Variants in PPP1R11 observed in about 807,000 individuals in gnomAD.
PPP1R11 encodes the protein protein phosphatase 1 regulatory inhibitor subunit 11, also known as E3 ubiquitin-protein ligase PPP1R11.
A neutral mutation model predicts 11.3 loss-of-function variants in PPP1R11; 10 were observed. The ratio of observed to expected loss-of-function variants is 0.88; its 90% CI spans 0.55 to 1.50. PPP1R11 has a LOEUF of 1.50. Among genes scored for constraint, PPP1R11 ranks in the 40% most tolerant of loss-of-function variants. The pLI is 0.00. For synonymous variants in PPP1R11, 56 were observed against 62.3 expected (o/e 0.90, Z 0.48); for missense variants, 114 against 179.1 (o/e 0.64, Z 2.07).
At chr6:30,061,968 C>A, upstream of PPP1R11, 2 of 1,613,084 alleles carry the variant, frequency 1.2e-6, no homozygotes. The surrounding 1 kb of genome is among the most constrained non-coding windows in gnomAD (Gnocchi z 5.0). Flanking sequence ...CAACTGGGGA[C>A]AGCCATGCCT....
Position 30,067,419 on chromosome 6 carries a change from G to C in PPP1R11, c.9G>C (p.Glu3Asp). Residue 3 changes from glutamate to aspartate, a missense_variant, in exon 1 of 3, where the codon GAG (glutamate) becomes GAC (aspartate). Coordinates refer to ENST00000376772, the MANE Select transcript of PPP1R11 (RefSeq NM_021959.3). ...TGTCCTGAGCCTTAGCCATGGCCGA[G>C]GCAGGGGCTGGGCTGAGCGAGACCG... is the stretch of plus-strand genomic sequence containing the variant. Reference protein sequence around the residue: MAEAGAGLSETVT... With the variant: MADAGAGLSETVT... The C allele has an allele frequency of 6.2e-7, 1 of 1,614,186 alleles. No homozygotes were observed. Among genetic ancestry groups the C allele is most frequent in the Non-Finnish European group, 8.5e-7 (1 of 1,179,990 alleles).
chr6:30,065,570 G>A (rs1408153939), upstream of PPP1R11, among the ~76,000 whole-genome samples: 1 of 145,504 alleles, frequency 6.9e-6, no homozygotes, highest in Admixed American at 6.9e-5. This position sits in a 1 kb window ranked among gnomAD's most constrained non-coding sequence, Gnocchi z 5.3. Flanking sequence ...TAAGGCATCT[G>A]GTCAACAGTA....
At chr6:30,066,987 G>A (rs1025164765), upstream of PPP1R11, 1 of 175,818 alleles carries the variant, frequency 5.7e-6, no homozygotes. Context: ...CCATCTGGGC[G>A]CCCCTCCTGC....
upstream of PPP1R11, chr6:30,062,186 T>G (rs755683238): frequency 2.2e-5 from 34 of 1,541,910 alleles, no homozygotes; most frequent in Non-Finnish European, 3.0e-5. Context: ...AGTAAGGGGA[T>G]ATGACCAGGC....
At chr6:30,066,101 C>T (rs1765501389), upstream of PPP1R11, among the ~76,000 whole-genome samples, 1 of 152,196 alleles carries the variant, frequency 6.6e-6, no homozygotes, top group Non-Finnish European at 1.5e-5. Flanking sequence ...AGTTGACTTT[C>T]CTGACCCACT....
chr6:30,069,284 C>T lies in PPP1R11; in HGVS notation c.359C>T (p.Pro120Leu), dbSNP rs1487023997. The change falls in exon 3 of 3, where the codon CCT becomes CTT. Residue 120 changes from proline (P) to leucine (L), a missense_variant. Pro to Leu is a moderately conservative substitution (Grantham distance 98, BLOSUM62 -3). Coordinates refer to ENST00000376772, the MANE Select transcript of PPP1R11 (RefSeq NM_021959.3). The surrounding 1 kb of genome is among the most constrained non-coding windows in gnomAD (Gnocchi z 6.6). The stretch of plus-strand genomic sequence containing the variant: ...CAGCCTCCTGACCCTTCCCAGCCCC[C>T]TCCAGGGCCAATGCAGCACTAAATC... ...PPQPPDPSQP[P>L]PGPMQH 10 of 1,607,130 alleles carry T rather than the reference C, an allele frequency of 6.2e-6. No individual in the cohort carries two copies. The highest frequency in any genetic ancestry group is 1.7e-5 in the Admixed American group (1 of 59,578).
upstream of PPP1R11, chr6:30,062,015 G>A (rs763726809): frequency 1.2e-6 from 2 of 1,612,862 alleles, no homozygotes; most frequent in Non-Finnish European, 1.7e-6. Context: ...CCAGGGACCT[G>A]TGGTAAGCTA....
upstream of PPP1R11, chr6:30,064,562 A>G (rs572352025): frequency 9.6e-5 from 91 of 949,240 alleles, 1 homozygote; most frequent in South Asian, 1.5e-3. Context: ...GCCAGTCCTC[A>G]ATGATGTCAT....
Position 30,067,370 on chromosome 6 carries a change from C to A in PPP1R11, c.-41C>A. On this transcript the variant is annotated 5_prime_UTR_variant, in exon 1 of 3. Transcript: ENST00000376772. ...GCGACAGAAAAAGGGAAGGGTGTCT[C>A]ATCCCCCTTCCTCCTCTCCTCCCTG... 6.4e-7 allele frequency: 1 copy of A among 1,574,448 alleles called. No homozygotes were observed. The highest frequency in any genetic ancestry group is 8.7e-7 in the Non-Finnish European group (1 of 1,144,534).
chr6:30,069,165 G>A lies in PPP1R11; in HGVS notation c.240G>A (p.Glu80=). 1.9e-6 allele frequency: 3 copies of A among 1,612,712 alleles called. No individual in the cohort carries two copies. The highest frequency in any genetic ancestry group is 2.5e-6 in the Non-Finnish European group (3 of 1,179,752). The change falls in exon 3 of 3, where the codon GAG becomes GAA. Residue 80 remains glutamate (E), a synonymous_variant. Transcript: ENST00000376772. This position sits in a 1 kb window ranked among gnomAD's most constrained non-coding sequence, Gnocchi z 6.6. ...AGAGCTCCACGGAAAGTGATGAGGA[G>A]GAAGAAGAGGGCTGTGGTCATACAC... ...FGESSTESDE[E]EEEGCGHTHC... is the part of the protein sequence containing the mutation.
At chr6:30,067,114 A>T, upstream of PPP1R11, 1 of 402,994 alleles carries the variant, frequency 2.5e-6, no homozygotes, top group African/African-American at 2.0e-5. Flanking sequence ...GCGCGCTGTC[A>T]CGTTACGGCG....
At chr6:30,064,807 A>G, upstream of PPP1R11, 1 of 904,352 alleles carries the variant, frequency 1.1e-6, no homozygotes, top group Non-Finnish European at 1.7e-6. Context: ...TGCTCCCAGA[A>G]GAGAATCAGA....
At chr6:30,065,650 ATGT>A (rs1370401989), upstream of PPP1R11, among the ~76,000 whole-genome samples, 2 of 152,114 alleles carry the variant, frequency 1.3e-5, no homozygotes, top group Non-Finnish European at 2.9e-5. This position sits in a 1 kb window ranked among gnomAD's most constrained non-coding sequence, Gnocchi z 5.3. Flanking sequence ...CCTTACCCCC[ATGT>A]TGTTCAAGGA....
At chr6:30,061,526 T>G in the PPP1R11 span, 1 of 1,613,048 alleles carries the variant, frequency 6.2e-7, no homozygotes, top group Non-Finnish European at 8.5e-7. This position sits in a 1 kb window ranked among gnomAD's most constrained non-coding sequence, Gnocchi z 5.0. Flanking sequence ...CCCGACCGCA[T>G]GTCTGTCATG....
At chr6:30,062,795 C>T (rs1486836188), upstream of PPP1R11, among the ~76,000 whole-genome samples, 1 of 126,918 alleles carries the variant, frequency 7.9e-6, no homozygotes, top group Admixed American at 9.7e-5. Flanking sequence ...TGGTCTTGAA[C>T]TTCTGAGCTC....
chr6:30,061,882 T>A (rs757221184), upstream of PPP1R11: 4 of 1,606,852 alleles, frequency 2.5e-6, no homozygotes. The surrounding 1 kb of genome is among the most constrained non-coding windows in gnomAD (Gnocchi z 5.0). Context: ...CTCTCTCTGG[T>A]TGTCTCCATA....
At chr6:30,061,624 G>GAT in the PPP1R11 span, 1 of 1,613,054 alleles carries the variant, frequency 6.2e-7, no homozygotes, top group Non-Finnish European at 8.5e-7. This position sits in a 1 kb window ranked among gnomAD's most constrained non-coding sequence, Gnocchi z 5.0. Flanking sequence ...CGGGGCTCAG[G>GAT]ATACGGTCAC....
At chr6:30,065,464 A>T (rs1414423610), upstream of PPP1R11, among the ~76,000 whole-genome samples, 2 of 152,100 alleles carry the variant, frequency 1.3e-5, no homozygotes, top group Non-Finnish European at 2.9e-5. The surrounding 1 kb of genome is among the most constrained non-coding windows in gnomAD (Gnocchi z 5.3). Context: ...TTTCTTAATA[A>T]TGTTTTCTCT....
At chr6:30,064,612 A>T (rs1765362103), upstream of PPP1R11, 1 of 1,502,156 alleles carries the variant, frequency 6.7e-7, no homozygotes, top group Non-Finnish European at 9.1e-7. Flanking sequence ...TGCATATCTT[A>T]TCTTATACTA....
Sources: allele counts gnomAD v4.1 joint callset (sites outside exome capture counted in the v4.1 genomes callset), GRCh38; gene constraint gnomAD v4.1.1; non-coding constraint Gnocchi (gnomAD v3.1); transcripts MANE v1.5; gene names NCBI Gene and HGNC (gene_info 2026-07-23, HGNC 2026-07-21).